Variants in SLC2A9 observed in about 807,000 individuals in gnomAD.
SLC2A9 encodes solute carrier family 2, facilitated glucose transporter member 9.
Under a neutral mutation model 50.6 loss-of-function variants are expected in SLC2A9, and 39 were observed. The ratio of observed to expected loss-of-function variants is 0.77; its 90% confidence interval spans 0.60 to 1.01. The LOEUF is 1.01. Among genes scored for constraint, SLC2A9 ranks in the 50% least tolerant of loss-of-function variants. The probability of loss-of-function intolerance (pLI) is 0.00; values close to 1 mark genes in which losing one functional copy is unlikely to be tolerated. For synonymous variants in SLC2A9, 324 were observed against 276.9 expected, an observed-to-expected ratio of 1.17 and a Z score of -1.69; for missense variants, 686 against 677.6, an observed-to-expected ratio of 1.01 and a Z score of -0.14.
intron 4 of SLC2A9, 103 bp from the exon 5 acceptor site, chr4:9,980,840 A>G (rs1755620156): frequency 2.0e-6 from 3 of 1,467,472 alleles, no homozygotes; most frequent in Non-Finnish European, 2.8e-6. Flanking sequence ...TGGACATTAA[A>G]TAGCACTGTA....
chr4:10,035,496 G>C (rs1764070889), intron 1 of SLC2A9: 1 of 152,196 alleles, frequency 6.6e-6, no homozygotes, highest in Admixed American at 6.5e-5. Flanking sequence ...CTCGAAGGTG[G>C]AATAAGGGCA....
chr4:9,783,585 G>C, intron 3 of SLC2A9: 1 of 962,124 alleles, frequency 1.0e-6, no homozygotes, highest in Non-Finnish European at 1.5e-6. Context: ...CTGTGTAGTA[G>C]CTCGTGTGCT....
intron 10 of SLC2A9, among the ~76,000 whole-genome samples, chr4:9,862,423 T>C (rs912250180): frequency 6.6e-6 from 1 of 152,100 alleles, no homozygotes; most frequent in Non-Finnish European, 1.5e-5. Flanking sequence ...GCACTACTCA[T>C]TCCCTGGGTG....
intron 7 of SLC2A9, among the ~76,000 whole-genome samples, chr4:9,908,772 A>G (rs977896159): frequency 8.5e-5 from 13 of 152,080 alleles, no homozygotes; most frequent in Non-Finnish European, 1.5e-4. Context: ...CAGCTAAAAG[A>G]CTACACTTCC....
At chr4:10,003,190 G>A (rs1412307153) in intron 2 of SLC2A9, among the ~76,000 whole-genome samples, 1 of 152,160 alleles carries the variant, frequency 6.6e-6, no homozygotes, top group Non-Finnish European at 1.5e-5. Flanking sequence ...ACGTGAACTT[G>A]CTCCCTATGG....
At chr4:9,806,067 T>C (rs1722077854) in intron 3 of SLC2A9, among the ~76,000 whole-genome samples, 2 of 152,164 alleles carry the variant, frequency 1.3e-5, no homozygotes, top group Non-Finnish European at 2.9e-5. Context: ...GAGAAGGTGT[T>C]AGCCTGAGGC....
chr4:9,918,120 G>A (rs1743222432), intron 7 of SLC2A9, among the ~76,000 whole-genome samples: 1 of 152,204 alleles, frequency 6.6e-6, no homozygotes, highest in South Asian at 2.1e-4. Context: ...TTTGGGGCTT[G>A]AATAAAATGA....
At chr4:9,779,142 C>T (rs562288420), downstream of SLC2A9, among the ~76,000 whole-genome samples, 107 of 152,282 alleles carry the variant, frequency 7.0e-4, no homozygotes, top group Non-Finnish European at 1.1e-3. Context: ...AGAGATCAAG[C>T]GACCTGCCCA....
chr4:9,966,918 T>G (rs539902087), intron 5 of SLC2A9, among the ~76,000 whole-genome samples: 1 of 152,238 alleles, frequency 6.6e-6, no homozygotes, highest in Admixed American at 6.5e-5. Flanking sequence ...TGGCCATCCC[T>G]TAGTGCCTTT....
At chr4:9,956,335 A>T (rs551264276) in intron 5 of SLC2A9, among the ~76,000 whole-genome samples, 3 of 151,460 alleles carry the variant, frequency 2.0e-5, no homozygotes, top group East Asian at 3.9e-4. Context: ...TACAAAAAAA[A>T]ATTAGCCGGG....
At chr4:9,816,730 A>T (rs531780196) in intron 3 of SLC2A9, among the ~76,000 whole-genome samples, 1 of 152,136 alleles carries the variant, frequency 6.6e-6, no homozygotes, top group East Asian at 1.9e-4. Context: ...TTATACTTCA[A>T]TGTAGCTGAA....
chr4:9,812,003 G>C (rs921038824), intron 3 of SLC2A9, among the ~76,000 whole-genome samples: 5 of 152,190 alleles, frequency 3.3e-5, no homozygotes, highest in Non-Finnish European at 7.3e-5. Context: ...AGACTTCCTA[G>C]TTAAGCAAAT....
intron 2 of SLC2A9, among the ~76,000 whole-genome samples, chr4:10,001,817 CA>C (rs1176998746): frequency 6.6e-6 from 1 of 152,242 alleles, no homozygotes; most frequent in Non-Finnish European, 1.5e-5. Context: ...GGCTCCCCAG[CA>C]TCAGAAGCCC....
intron 5 of SLC2A9, among the ~76,000 whole-genome samples, chr4:9,977,928 T>C (rs1755072866): frequency 6.6e-6 from 1 of 152,220 alleles, no homozygotes; most frequent in African/African-American, 2.4e-5. Context: ...ATTTGTTGAA[T>C]GACTGGATAA....
At chr4:10,016,685 T>C (rs560474257) in intron 2 of SLC2A9, among the ~76,000 whole-genome samples, 2 of 152,270 alleles carry the variant, frequency 1.3e-5, no homozygotes, top group African/African-American at 4.8e-5. Context: ...GACACCAAAG[T>C]TGTTTTTCTA....
chr4:9,804,533 T>C (rs1430997452), intron 3 of SLC2A9, among the ~76,000 whole-genome samples: 1 of 152,176 alleles, frequency 6.6e-6, no homozygotes, highest in African/African-American at 2.4e-5. Flanking sequence ...TTTATTCCCA[T>C]TTGCTGACTC....
At chr4:10,038,449 G>A (rs573179645) in intron 1 of SLC2A9, among the ~76,000 whole-genome samples, 71 of 141,234 alleles carry the variant, frequency 5.0e-4, no homozygotes, top group African/African-American at 1.8e-3. Flanking sequence ...GGAAGTTGCA[G>A]TGAGCCGAGA....
chr4:9,799,691 T>TTGGGGGGGGGGGGGGGGCCCCCCCC, intron 3 of SLC2A9, among the ~76,000 whole-genome samples: 1 of 41,402 alleles, frequency 2.4e-5, no homozygotes, highest in African/African-American at 1.0e-4. Context: ...ATTCCAATTG[T>TTGGGGGGGGGGGGGGGGCCCCCCCC]ACCCCCCCCC....
chr4:10,005,387 C>G (rs900939519), intron 2 of SLC2A9, among the ~76,000 whole-genome samples: 3 of 152,186 alleles, frequency 2.0e-5, no homozygotes, highest in Non-Finnish European at 4.4e-5. Flanking sequence ...CTGCCTGTAC[C>G]TGGCTTTGCC....
Sources: allele counts gnomAD v4.1 joint callset (sites outside exome capture counted in the v4.1 genomes callset), GRCh38; gene constraint gnomAD v4.1.1; transcripts MANE v1.5; gene names NCBI Gene and HGNC (gene_info 2026-07-23, HGNC 2026-07-21).